DOCK9: variants seen among roughly 807,000 people sequenced by gnomAD.
DOCK9 encodes dedicator of cytokinesis protein 9.
DOCK9 carries 89 observed loss-of-function variants against 263.3 expected under a neutral mutation model. The ratio of observed to expected loss-of-function variants is 0.34; its 90% CI spans 0.28 to 0.40. The LOEUF (loss-of-function observed/expected upper bound fraction) is 0.40. Among genes scored for constraint, DOCK9 ranks in the 10% least tolerant of loss-of-function variants. The pLI, the probability that DOCK9 is intolerant of heterozygous loss-of-function variation, is 1.00. For synonymous variants in DOCK9, 976 were observed against 973.1 expected (o/e 1.00, Z -0.06); for missense variants, 2,140 against 2,603.4 (o/e 0.82, Z 3.87).
intron 15 of DOCK9, among the ~76,000 whole-genome samples, chr13:98,894,165 G>A (rs1249347133): frequency 6.6e-6 from 1 of 152,196 alleles, no homozygotes; most frequent in Non-Finnish European, 1.5e-5. Flanking sequence ...CTGAGGAGCC[G>A]CCACTGTGGG....
chr13:99,011,826 T>C (rs1377474303), intron 1 of DOCK9, among the ~76,000 whole-genome samples: 1 of 152,104 alleles, frequency 6.6e-6, no homozygotes, highest in Non-Finnish European at 1.5e-5. Context: ...CTTTTTTTGT[T>C]TATTTGTTTG....
intron 1 of DOCK9, among the ~76,000 whole-genome samples, chr13:98,987,093 CCAT>C (rs968245273): frequency 2.6e-5 from 4 of 152,080 alleles, no homozygotes; most frequent in African/African-American, 4.8e-5. Flanking sequence ...ACCACCACCA[CCAT>C]CAATGGGTTT....
At chr13:99,047,509 T>C (rs1226350237) in intron 1 of DOCK9, among the ~76,000 whole-genome samples, 1 of 149,710 alleles carries the variant, frequency 6.7e-6, no homozygotes, top group African/African-American at 2.5e-5. Flanking sequence ...GAATCAGTGG[T>C]TCTAATCCTT....
chr13:98,816,047 C>T (rs2091814279), intron 45 of DOCK9, among the ~76,000 whole-genome samples: 1 of 152,160 alleles, frequency 6.6e-6, no homozygotes, highest in Non-Finnish European at 1.5e-5. Flanking sequence ...GAGTCATCCA[C>T]CTATTGTATC....
At chr13:98,807,271 C>T (rs1183437179) in intron 48 of DOCK9, among the ~76,000 whole-genome samples, 2 of 152,194 alleles carry the variant, frequency 1.3e-5, no homozygotes, top group South Asian at 4.1e-4. Context: ...TTCACCCATC[C>T]GCCCATCTGT....
intron 13 of DOCK9, among the ~76,000 whole-genome samples, chr13:98,899,318 C>A (rs1164507313): frequency 2.6e-5 from 4 of 152,160 alleles, no homozygotes; most frequent in Non-Finnish European, 1.5e-5. Context: ...GTCTCTAAGT[C>A]ACACTGAATC....
intron 2 of DOCK9, chr13:98,950,314 T>G: frequency 5.0e-6 from 4 of 793,440 alleles, no homozygotes; most frequent in Non-Finnish European, 6.2e-6. Flanking sequence ...AAACCTGAGC[T>G]GTTTTCCTTT....
At position 98,977,914 on chromosome 13, in the gene DOCK9, G is replaced by A. The variant is rs950189785; in HGVS notation, c.-5C>T. 1.3e-5 allele frequency: 21 copies of A among 1,576,828 alleles called. No individual in the cohort carries two copies. The Middle Eastern group carries it at 5.0e-4, about 38-fold the overall frequency. ...CCTGCATTTATCAGCCTGCATTCTC[G>A]GCTGAAAACGCAAGTCAGAAAGTCT... On this transcript the variant is annotated 5_prime_UTR_variant, in exon 1 of 53. Transcript: ENST00000682017.
At chr13:98,961,611 G>T (rs2058648999) in intron 1 of DOCK9, among the ~76,000 whole-genome samples, 1 of 152,176 alleles carries the variant, frequency 6.6e-6, no homozygotes, top group Admixed American at 6.5e-5. Flanking sequence ...GCAGTCCTGG[G>T]ATGCCTCTCA....
intron 2 of DOCK9, among the ~76,000 whole-genome samples, chr13:98,932,962 C>T (rs767506752): frequency 6.6e-6 from 1 of 152,026 alleles, no homozygotes; most frequent in African/African-American, 2.4e-5. Flanking sequence ...GGAAGACAGG[C>T]GCAATCTGTA....
intron 52 of DOCK9, among the ~76,000 whole-genome samples, chr13:98,796,473 T>G (rs1196906013): frequency 1.3e-5 from 2 of 152,140 alleles, no homozygotes; most frequent in East Asian, 3.9e-4. Flanking sequence ...AAAAACAATG[T>G]GGATGCTGCT....
At chr13:99,018,004 A>G (rs1417773812) in intron 1 of DOCK9, among the ~76,000 whole-genome samples, 1 of 152,244 alleles carries the variant, frequency 6.6e-6, no homozygotes, top group Non-Finnish European at 1.5e-5. Flanking sequence ...AATTTTGCCA[A>G]TCATATCTCA....
intron 39 of DOCK9, among the ~76,000 whole-genome samples, chr13:98,833,825 T>A (rs1362533400): frequency 1.3e-5 from 2 of 152,198 alleles, no homozygotes; most frequent in Non-Finnish European, 1.5e-5. Context: ...TGCCTTCTCA[T>A]CACATAGAAG....
chr13:98,881,471 A>T, intron 25 of DOCK9, 87 bp downstream of exon 25: 1 of 1,088,966 alleles, frequency 9.2e-7, no homozygotes, highest in Non-Finnish European at 1.3e-6. Flanking sequence ...ACATCCTCAA[A>T]TAACCAGGCT....
intron 47 of DOCK9, chr13:98,808,530 TA>T (rs919985457): frequency 9.5e-4 from 692 of 727,360 alleles, no homozygotes; most frequent in Non-Finnish European, 1.1e-3. Flanking sequence ...CACAAAACAG[TA>T]AAAAAAAATG....
Position 98,955,480 on chromosome 13 carries a change from G to T in DOCK9, c.198C>A (p.Asn66Lys). Residue 66 changes from asparagine (N) to lysine (K), a missense_variant, in exon 2 of 53, where the codon AAC becomes AAA. By Grantham distance (94) the Asn-to-Lys change is moderately conservative. This residue lies in a region of DOCK9 where 1,521 missense variants were observed against 1,741.7 expected (regional missense o/e 0.87). Coordinates refer to ENST00000682017, the MANE Select transcript of DOCK9 (RefSeq NM_001366683.2). ...VIVQKKTQIL[N>K]DCLREMLLFP... is the part of the protein sequence containing the mutation. ...AGAGCAGCATCTCCCGTAAACAGTC[G>T]TTCAGGATCTGAGTCTTCTTCTGGA... The T allele has an allele frequency of 2.5e-6, 4 of 1,598,680 alleles. No homozygotes were observed. The highest frequency in any genetic ancestry group is 3.4e-6 in the Non-Finnish European group (4 of 1,171,666).
At chr13:98,860,145 A>G (rs1379443860) in intron 33 of DOCK9, 24 of 1,313,720 alleles carry the variant, frequency 1.8e-5, no homozygotes, top group Non-Finnish European at 3.9e-6. Flanking sequence ...AAACTCAACA[A>G]ACGTTGAACA....
intron 19 of DOCK9, among the ~76,000 whole-genome samples, chr13:98,886,147 T>A (rs1261755962): frequency 6.6e-6 from 1 of 152,146 alleles, no homozygotes; most frequent in African/African-American, 2.4e-5. Context: ...CCAAGTAGCA[T>A]GCATACAGTG....
At chr13:98,883,776 G>A in intron 22 of DOCK9, 37 bp downstream of exon 22, 2 of 1,427,962 alleles carry the variant, frequency 1.4e-6, no homozygotes, top group Non-Finnish European at 1.9e-6. Flanking sequence ...CTTTGTCACA[G>A]GGCAGCAACT....
Sources: allele counts gnomAD v4.1 joint callset (sites outside exome capture counted in the v4.1 genomes callset), GRCh38; gene constraint gnomAD v4.1.1; regional missense constraint gnomAD v4.1.1; transcripts MANE v1.5; gene names NCBI Gene and HGNC (gene_info 2026-07-23, HGNC 2026-07-21).